The following PRKCB variants were observed in gnomAD, a reference collection of about 807,000 sequenced individuals.
PRKCB encodes the protein protein kinase C beta type.
PRKCB carries 13 observed loss-of-function variants against 81.5 expected under a neutral mutation model. The ratio of observed to expected loss-of-function variants is 0.16; its 90% CI spans 0.10 to 0.25. The LOEUF is 0.25. PRKCB is among the 10% of genes least tolerant of loss of function. PRKCB has a pLI of 1.00. For missense variants in PRKCB, 509 were observed against 875.7 expected (o/e 0.58, Z 5.29); for synonymous variants, 335 against 321.4 (o/e 1.04, Z -0.45).
rs1420545777 is a variant in PRKCB at position 24,052,434 on chromosome 16, T to A, written c.529+16887T>A. 2.0e-5 allele frequency among the ~76,000 whole-genome samples: 3 copies of A among 152,182 alleles called. 1 individual carries two copies. Among genetic ancestry groups the A allele is most frequent in the Non-Finnish European group, 4.4e-5 (3 of 68,036 alleles). ...ATCCATAAAGTCAAAGCAAGCTTAC[T>A]AAGAAAGTAAAGGAATAAAGCATGG... On this transcript the variant is annotated intron_variant, in intron 5 of 16. Transcript: ENST00000643927.
At chr16:23,861,736 G>T (rs1010839839) in intron 2 of PRKCB, among the ~76,000 whole-genome samples, 27 of 152,180 alleles carry the variant, frequency 1.8e-4, no homozygotes, top group African/African-American at 6.0e-4. Context: ...TTTGCATGTG[G>T]TGCTTGGAGC....
chr16:24,061,929 A>AAAC (rs1965979817), intron 5 of PRKCB, among the ~76,000 whole-genome samples: 1 of 150,372 alleles, frequency 6.7e-6, no homozygotes, highest in East Asian at 1.9e-4. Context: ...AAAAAAAAAA[A>AAAC]AAAACTTGAG....
At chr16:24,168,412 T>C (rs544632826) in intron 10 of PRKCB, among the ~76,000 whole-genome samples, 1 of 152,314 alleles carries the variant, frequency 6.6e-6, no homozygotes, top group East Asian at 1.9e-4. Flanking sequence ...TTTTACGTTG[T>C]GACTCAGCCA....
intron 10 of PRKCB, among the ~76,000 whole-genome samples, chr16:24,169,272 T>C (rs1428786222): frequency 1.3e-5 from 2 of 152,178 alleles, no homozygotes; most frequent in Admixed American, 6.5e-5. Context: ...TTAATGTATA[T>C]TGATGGCTCG....
Position 24,045,349 on chromosome 16 carries a change from T to G in PRKCB, c.529+9802T>G, listed in dbSNP as rs534388001. On this transcript the variant is annotated intron_variant, in intron 5 of 16. Coordinates refer to ENST00000643927, the MANE Select transcript of PRKCB (RefSeq NM_002738.7). ...TCCATCTTGTGTAGCATCTGCCTTGTGAGCTGGGCCTGTTCTCCGAGTTTC... is the reference window on the plus strand; with the variant it reads ...TCCATCTTGTGTAGCATCTGCCTTGGGAGCTGGGCCTGTTCTCCGAGTTTC... 1.8e-3 allele frequency among the ~76,000 whole-genome samples: 275 copies of G among 152,290 alleles called. 2 individuals carry two copies. Among genetic ancestry groups the G allele is most frequent in the African/African-American group, 6.5e-3 (269 of 41,558 alleles).
chr16:23,883,608 G>C (rs1364797575), intron 2 of PRKCB, among the ~76,000 whole-genome samples: 1 of 152,182 alleles, frequency 6.6e-6, no homozygotes, highest in East Asian at 1.9e-4. Context: ...TGAGTCAGGA[G>C]TCAATTGCAG....
intron 2 of PRKCB, among the ~76,000 whole-genome samples, chr16:23,861,836 A>G (rs765591954): frequency 2.6e-5 from 4 of 152,234 alleles, no homozygotes; most frequent in Non-Finnish European, 5.9e-5. Flanking sequence ...CTCCTTCACA[A>G]TATCCTTGAG....
intron 3 of PRKCB, among the ~76,000 whole-genome samples, chr16:24,022,710 G>A (rs1347317616): frequency 6.6e-6 from 1 of 152,208 alleles, no homozygotes; most frequent in Non-Finnish European, 1.5e-5. Flanking sequence ...AGCCAGGATG[G>A]TCTCGATCTC....
At position 24,217,673 on chromosome 16, in the gene PRKCB, G is replaced by A; in HGVS notation, c.*2857G>A. The A allele has an allele frequency of 1.0e-6, 1 of 985,594 alleles. No individual in the cohort carries two copies. The highest frequency in any genetic ancestry group is 1.2e-6 in the Non-Finnish European group (1 of 830,094). 61.1% of individuals were successfully genotyped at this position (985,594 alleles called of 1,614,324 possible). ...CATCACCAGCACAACAAACGGGGCA[G>A]GGCTTTCCAAGGTGGGGCTGGTCAG... On this transcript the variant is annotated 3_prime_UTR_variant, in exon 17 of 17. Transcript: ENST00000643927.
chr16:24,087,297 T>C (rs1966321029), intron 5 of PRKCB, among the ~76,000 whole-genome samples: 1 of 152,256 alleles, frequency 6.6e-6, no homozygotes, highest in African/African-American at 2.4e-5. Context: ...ATCTTCTTTT[T>C]TCAACGTGCT....
At chr16:24,104,376 C>T (rs1295355490) in intron 7 of PRKCB, among the ~76,000 whole-genome samples, 2 of 152,192 alleles carry the variant, frequency 1.3e-5, no homozygotes, top group Non-Finnish European at 2.9e-5. Context: ...TGAATATACA[C>T]AGTGAGCACC....
At chr16:23,915,585 T>C (rs1177020554) in intron 2 of PRKCB, among the ~76,000 whole-genome samples, 4 of 148,844 alleles carry the variant, frequency 2.7e-5, no homozygotes. Flanking sequence ...CAGCTACTAG[T>C]GGACACTGAA....
chr16:24,024,549 G>A (rs1965451384), intron 3 of PRKCB, among the ~76,000 whole-genome samples: 1 of 152,224 alleles, frequency 6.6e-6, no homozygotes, highest in South Asian at 2.1e-4. Context: ...CACATTGTGT[G>A]TGTATATTCA....
At chr16:24,064,561 G>A (rs1271642296) in intron 5 of PRKCB, among the ~76,000 whole-genome samples, 1 of 152,056 alleles carries the variant, frequency 6.6e-6, no homozygotes, top group African/African-American at 2.4e-5. Context: ...GTGTTTGTTG[G>A]ATGCCATATT....
At chr16:24,112,861 A>G (rs1966692300) in intron 7 of PRKCB, 112 bp from the exon 8 acceptor site, 1 of 729,696 alleles carries the variant, frequency 1.4e-6, no homozygotes, top group African/African-American at 1.8e-5. Context: ...AAAACCCTCA[A>G]CGTATATTTT....
rs547330003 is a variant in PRKCB at position 24,182,735 on chromosome 16, C to G, written c.1533+1807C>G. 2.0e-5 allele frequency among the ~76,000 whole-genome samples: 3 copies of G among 152,272 alleles called. No individual in the cohort carries two copies. The East Asian group carries it at 5.8e-4, about 29-fold the overall frequency. On this transcript the variant is annotated intron_variant, in intron 13 of 16. Transcript: ENST00000643927. ...CATCTGTGGGCTGGAGGGGAGGCAA[C>G]TTCACCAGCCACACAGTTGAGGGTT...
intron 3 of PRKCB, among the ~76,000 whole-genome samples, chr16:24,000,364 G>A (rs1299250208): frequency 6.6e-6 from 1 of 152,186 alleles, no homozygotes; most frequent in Non-Finnish European, 1.5e-5. Flanking sequence ...CTAGCTATAA[G>A]TGGTTAATGT....
intron 2 of PRKCB, among the ~76,000 whole-genome samples, chr16:23,970,441 C>T (rs1754790342): frequency 6.6e-6 from 1 of 152,138 alleles, no homozygotes; most frequent in African/African-American, 2.4e-5. Flanking sequence ...GAGCTCCAGG[C>T]TTTTGTGTGC....
chr16:23,991,555 C>T (rs1483110898), intron 3 of PRKCB, among the ~76,000 whole-genome samples: 2 of 152,042 alleles, frequency 1.3e-5, no homozygotes, highest in African/African-American at 4.8e-5. Flanking sequence ...GTTTCTGTTG[C>T]CTAAGACAGA....
Sources: allele counts gnomAD v4.1 joint callset (sites outside exome capture counted in the v4.1 genomes callset), GRCh38; gene constraint gnomAD v4.1.1; transcripts MANE v1.5; gene names NCBI Gene and HGNC (gene_info 2026-07-23, HGNC 2026-07-21).